The following PLCB4 variants were observed in gnomAD, a reference collection of about 807,000 sequenced individuals.
PLCB4 encodes the protein 1-phosphatidylinositol 4,5-bisphosphate phosphodiesterase beta-4.
A neutral mutation model predicts 178.8 loss-of-function variants in PLCB4; 77 were observed. The observed-to-expected ratio is 0.43, with a 90% confidence interval of 0.36 to 0.52. The LOEUF (loss-of-function observed/expected upper bound fraction) is 0.52. Among genes scored for constraint, PLCB4 ranks in the 20% least tolerant of loss-of-function variants. The pLI, the probability that PLCB4 is intolerant of heterozygous loss-of-function variation, is 0.00. For missense variants in PLCB4, 1,024 were observed against 1,453.4 expected (o/e 0.70, Z 4.80); for synonymous variants, 496 against 490.8 (o/e 1.01, Z -0.14).
At chr20:9,343,111 T>A (rs1450545236) in intron 7 of PLCB4, among the ~76,000 whole-genome samples, 3 of 152,178 alleles carry the variant, frequency 2.0e-5, no homozygotes, top group East Asian at 3.9e-4. Context: ...AAACACCTGA[T>A]GAGTCTTGGT....
chr20:9,271,382 A>G lies in PLCB4; in HGVS notation c.-15-36418A>G, dbSNP rs558204898. Among the ~76,000 whole-genome samples, 47 of 152,250 alleles carry G rather than the reference A, an allele frequency of 3.1e-4. 1 individual carries two copies. Among genetic ancestry groups the G allele is most frequent in the African/African-American group, 1.0e-3 (43 of 41,570 alleles). On this transcript the variant is annotated intron_variant, in intron 3 of 39. Coordinates refer to ENST00000378473, the MANE Select transcript of PLCB4 (RefSeq NM_001377142.1). ...TAGGTAGTAGTGTTACCAACATTTA[A>G]CAGTTAAGGAAGCTGAAGTTGAAAG...
intron 8 of PLCB4, 36 bp from the exon 9 acceptor site, chr20:9,365,424 GA>G (rs1358004972): frequency 7.1e-7 from 1 of 1,408,358 alleles, no homozygotes; most frequent in Non-Finnish European, 1.0e-6. Context: ...CTCCCTCTAA[GA>G]AACATTAAGG....
intron 1 of PLCB4, among the ~76,000 whole-genome samples, chr20:9,083,457 T>C (rs6140854): frequency 0.49 from 74,008 of 151,070 alleles, 18,538 homozygotes; most frequent in Middle Eastern, 0.56. Flanking sequence ...AATTCTTTGA[T>C]ATTTTTGTCT....
chr20:9,218,563 T>C (rs1382522189), intron 3 of PLCB4, among the ~76,000 whole-genome samples: 1 of 152,232 alleles, frequency 6.6e-6, no homozygotes, highest in Middle Eastern at 3.2e-3. Flanking sequence ...TCCTCTGGGC[T>C]GTTGGCATTT....
chr20:9,206,690 T>C (rs1175535516), intron 2 of PLCB4, among the ~76,000 whole-genome samples: 3 of 152,194 alleles, frequency 2.0e-5, no homozygotes, highest in Non-Finnish European at 2.9e-5. Context: ...CACATCCAAG[T>C]TTCTGAAACT....
intron 2 of PLCB4, among the ~76,000 whole-genome samples, chr20:9,208,927 G>C (rs2093643405): frequency 6.6e-6 from 1 of 152,168 alleles, no homozygotes; most frequent in Admixed American, 6.5e-5. Context: ...TGAAAGAGCA[G>C]TTTAAATTGG....
At chr20:9,352,291 A>G (rs1218363803) in intron 7 of PLCB4, among the ~76,000 whole-genome samples, 2 of 152,192 alleles carry the variant, frequency 1.3e-5, no homozygotes, top group Admixed American at 1.3e-4. Flanking sequence ...AGTATACTCT[A>G]TGTATACATT....
At chr20:9,197,266 C>T (rs1189881140) in intron 2 of PLCB4, among the ~76,000 whole-genome samples, 1 of 152,158 alleles carries the variant, frequency 6.6e-6, no homozygotes, top group Admixed American at 6.5e-5. Flanking sequence ...ACCCATTAAG[C>T]AATTCCACAG....
chr20:9,072,438 A>G (rs778097922), intron 1 of PLCB4, among the ~76,000 whole-genome samples: 2 of 151,954 alleles, frequency 1.3e-5, no homozygotes, highest in African/African-American at 2.4e-5. Context: ...TAAAGGTTTT[A>G]CATGTTCCTA....
Position 9,362,943 on chromosome 20 carries a change from C to A in PLCB4, c.417C>A (p.Asn139Lys), listed in dbSNP as rs773932943. The change falls in exon 8 of 40, where the codon AAC becomes AAA. Residue 139 changes from asparagine (N) to lysine (K), a missense_variant. Around this residue, in one of 7 missense-constraint regions of PLCB4, gnomAD observed 225 missense variants for 291.0 expected, o/e 0.77. Coordinates refer to ENST00000378473, the MANE Select transcript of PLCB4 (RefSeq NM_001377142.1). ...LRSIIHNFRA[N>K]NVSPMTCLKK... ...CAATCATACACAACTTCAGGGCCAA[C>A]AACGTCAGTCCAATGACATGCCTCA... 42 of 1,612,504 alleles carry A rather than the reference C, an allele frequency of 2.6e-5. No individual in the cohort carries two copies. The highest frequency in any genetic ancestry group is 3.6e-5 in the Non-Finnish European group (42 of 1,178,678).
At chr20:9,209,963 CA>C (rs58424232) in intron 2 of PLCB4, among the ~76,000 whole-genome samples, 2,197 of 47,962 alleles carry the variant, frequency 0.046, 8 homozygotes, top group African/African-American at 0.073. Flanking sequence ...GACTCTGTCT[CA>C]AAAAAAAAAA....
chr20:9,295,240 G>A (rs1449627691), intron 3 of PLCB4, among the ~76,000 whole-genome samples: 2 of 152,128 alleles, frequency 1.3e-5, no homozygotes, highest in Admixed American at 1.3e-4. Context: ...AACTCTCCCT[G>A]AAAATTGTTG....
intron 3 of PLCB4, among the ~76,000 whole-genome samples, chr20:9,241,378 G>A (rs962426988): frequency 7.6e-6 from 1 of 130,854 alleles, no homozygotes; most frequent in Non-Finnish European, 1.5e-5. Context: ...AACAACAGAG[G>A]CATGCATGCA....
At chr20:9,415,006 A>G (rs1243127516) in intron 25 of PLCB4, among the ~76,000 whole-genome samples, 1 of 152,228 alleles carries the variant, frequency 6.6e-6, no homozygotes, top group Non-Finnish European at 1.5e-5. Flanking sequence ...TTGTGGTTCT[A>G]CACATTGCAT....
chr20:9,399,628 C>A (rs566109071), intron 19 of PLCB4, among the ~76,000 whole-genome samples: 1 of 152,308 alleles, frequency 6.6e-6, no homozygotes, highest in African/African-American at 2.4e-5. Flanking sequence ...TGGAGAATAT[C>A]AAAATTGTAT....
intron 2 of PLCB4, among the ~76,000 whole-genome samples, chr20:9,155,754 G>A (rs2092776500): frequency 6.6e-6 from 1 of 152,096 alleles, no homozygotes; most frequent in African/African-American, 2.4e-5. Flanking sequence ...GATGTTTTTT[G>A]GGACAATAGT....
At chr20:9,128,201 C>G (rs1470339168) in intron 2 of PLCB4, among the ~76,000 whole-genome samples, 1 of 151,864 alleles carries the variant, frequency 6.6e-6, no homozygotes, top group Non-Finnish European at 1.5e-5. Context: ...GGTATGTCCC[C>G]TCTTCTCTCT....
At chr20:9,187,318 GCT>G (rs542983696) in intron 2 of PLCB4, among the ~76,000 whole-genome samples, 104 of 152,148 alleles carry the variant, frequency 6.8e-4, no homozygotes, top group African/African-American at 2.3e-3. Flanking sequence ...CCACTGCCGT[GCT>G]CTCTCTTCAA....
At chr20:9,274,345 C>T (rs1184559149) in intron 3 of PLCB4, among the ~76,000 whole-genome samples, 5 of 151,982 alleles carry the variant, frequency 3.3e-5, no homozygotes, top group Non-Finnish European at 7.4e-5. Context: ...TATGTCATCT[C>T]TTAAAAATTG....
Sources: allele counts gnomAD v4.1 joint callset (sites outside exome capture counted in the v4.1 genomes callset), GRCh38; gene constraint gnomAD v4.1.1; regional missense constraint gnomAD v4.1.1; transcripts MANE v1.5; gene names NCBI Gene and HGNC (gene_info 2026-07-23, HGNC 2026-07-21).